Variants in SUGCT observed in about 807,000 individuals in gnomAD.
SUGCT encodes succinyl-CoA:glutarate CoA-transferase.
SUGCT carries 41 observed loss-of-function variants against 55.0 expected under a neutral mutation model. The observed-to-expected ratio is 0.74, with a 90% CI of 0.58 to 0.97. The LOEUF (loss-of-function observed/expected upper bound fraction) is 0.97. Ranked by LOEUF, SUGCT falls within the 50% of genes least tolerant of loss-of-function variation. SUGCT has a pLI of 0.00. For missense variants in SUGCT, 568 were observed against 547.8 expected, an observed-to-expected ratio of 1.04 and a Z score of -0.37; for synonymous variants, 187 against 200.4, an observed-to-expected ratio of 0.93 and a Z score of 0.56.
chr7:40,868,777 G>C, the SUGCT span, among the ~76,000 whole-genome samples: 2 of 152,020 alleles, frequency 1.3e-5, no homozygotes, highest in Non-Finnish European at 2.9e-5. Context: ...AAAATTCCTG[G>C]CCTCAAGTGA....
the SUGCT span, among the ~76,000 whole-genome samples, chr7:40,949,714 C>A: frequency 3.9e-5 from 6 of 152,170 alleles, no homozygotes; most frequent in African/African-American, 1.4e-4. Flanking sequence ...AATAGGGAAT[C>A]CTTTCCCCAT....
chr7:40,675,993 C>T (rs1022091633), intron 12 of SUGCT, among the ~76,000 whole-genome samples: 1 of 152,110 alleles, frequency 6.6e-6, no homozygotes, highest in African/African-American at 2.4e-5. Flanking sequence ...CTAGTCACAT[C>T]TGGAAAGCAG....
intron 13 of SUGCT, among the ~76,000 whole-genome samples, chr7:40,771,300 A>G (rs1315693825): frequency 1.3e-5 from 2 of 152,194 alleles, no homozygotes; most frequent in Admixed American, 6.5e-5. Context: ...TTGTGTGTGG[A>G]TCACAATCTG....
At chr7:40,561,513 C>T (rs1358301913) in intron 12 of SUGCT, among the ~76,000 whole-genome samples, 2 of 151,858 alleles carry the variant, frequency 1.3e-5, no homozygotes, top group African/African-American at 4.8e-5. Flanking sequence ...CTATTATGTG[C>T]CAGGCATTGT....
intron 12 of SUGCT, among the ~76,000 whole-genome samples, chr7:40,504,979 T>C (rs1792507244): frequency 6.6e-6 from 1 of 152,230 alleles, no homozygotes; most frequent in Admixed American, 6.5e-5. Flanking sequence ...CTCTTTTATA[T>C]TCATTGAGTC....
the SUGCT span, among the ~76,000 whole-genome samples, chr7:40,962,291 T>A: frequency 1.3e-5 from 2 of 151,966 alleles, no homozygotes; most frequent in African/African-American, 4.8e-5. Context: ...ACAGAAAAGT[T>A]CTCCAAGTTC....
At chr7:40,563,064 G>GT (rs1795927829) in intron 12 of SUGCT, among the ~76,000 whole-genome samples, 1 of 152,124 alleles carries the variant, frequency 6.6e-6, no homozygotes, top group South Asian at 2.1e-4. Context: ...CTCCGCCCAA[G>GT]TAACGGTGGA....
rs1420060793 is a variant in SUGCT at position 40,473,664 on chromosome 7, A to T, written c.986+14466A>T. Reference sequence around the variant, plus strand: ...GAAAAAAAAAATGGTGGCATGATTTAACCAGGGACAAGTAATTGTTTTCTA... The same window carrying T: ...GAAAAAAAAAATGGTGGCATGATTTTACCAGGGACAAGTAATTGTTTTCTA... On this transcript the variant is annotated intron_variant, in intron 11 of 13. Coordinates refer to ENST00000335693, the MANE Select transcript of SUGCT (RefSeq NM_001193313.2). Among the ~76,000 whole-genome samples, 13 of 152,204 alleles carry T rather than the reference A, an allele frequency of 8.5e-5. 2 individuals carry two copies. The highest frequency in any genetic ancestry group is 1.8e-4 in the Non-Finnish European group (12 of 68,034).
intron 1 of SUGCT, among the ~76,000 whole-genome samples, chr7:40,162,657 T>C (rs1784235145): frequency 6.6e-6 from 1 of 152,158 alleles, no homozygotes; most frequent in African/African-American, 2.4e-5. Flanking sequence ...TTTTACTTTT[T>C]ATTTTTATTT....
In SUGCT at chr7:40,647,743, C is replaced by A. The variant is rs148564297; in HGVS notation, c.1090-101691C>A. Reference sequence around the variant, plus strand: ...GTGGGCACCTGTAATCCCAGCTACTCGGTAGGCTGAGGCAGGAGAATCGCT... The same window carrying A: ...GTGGGCACCTGTAATCCCAGCTACTAGGTAGGCTGAGGCAGGAGAATCGCT... On this transcript the variant is annotated intron_variant, in intron 12 of 13. Coordinates refer to ENST00000335693, the MANE Select transcript of SUGCT (RefSeq NM_001193313.2). Among the ~76,000 whole-genome samples, 429 of 151,444 alleles carry A rather than the reference C, an allele frequency of 2.8e-3. 3 individuals are homozygous for A. Among genetic ancestry groups the A allele is most frequent in the African/African-American group, 9.9e-3 (407 of 41,212 alleles).
chr7:40,543,174 A>T (rs1176684838), intron 12 of SUGCT, among the ~76,000 whole-genome samples: 1 of 152,120 alleles, frequency 6.6e-6, no homozygotes, highest in Non-Finnish European at 1.5e-5. Flanking sequence ...CTCCCTTGCT[A>T]TTTACACTTC....
rs530880881 is a variant in SUGCT at position 40,536,179 on chromosome 7, C to A, written c.1089+39793C>A. 6.6e-5 allele frequency among the ~76,000 whole-genome samples: 10 copies of A among 152,200 alleles called. No individual in the cohort carries two copies. The East Asian group carries it at 7.7e-4, about 12-fold the overall frequency. On this transcript the variant is annotated intron_variant, in intron 12 of 13. Transcript: ENST00000335693. ...GCAGAAGCTTTTTAGTTTAATTAGACCCCACACATCAATTTCTGGTTTTGT... is the reference window on the plus strand; with the variant it reads ...GCAGAAGCTTTTTAGTTTAATTAGAACCCACACATCAATTTCTGGTTTTGT...
intron 7 of SUGCT, among the ~76,000 whole-genome samples, chr7:40,247,088 C>T (rs567066542): frequency 6.6e-6 from 1 of 152,206 alleles, no homozygotes; most frequent in South Asian, 2.1e-4. Flanking sequence ...TTTTGTTTGA[C>T]ATGCGTATTG....
intron 8 of SUGCT, among the ~76,000 whole-genome samples, chr7:40,298,789 A>G (rs1005919096): frequency 6.6e-6 from 1 of 152,064 alleles, no homozygotes; most frequent in Non-Finnish European, 1.5e-5. Context: ...TATCTGTATA[A>G]GGTTTTTAGA....
At chr7:40,587,780 A>G (rs1213488618) in intron 12 of SUGCT, among the ~76,000 whole-genome samples, 1 of 152,114 alleles carries the variant, frequency 6.6e-6, no homozygotes, top group African/African-American at 2.4e-5. Flanking sequence ...ACATAATGGA[A>G]TTTTCATTTT....
At chr7:40,169,607 G>A (rs1004566122) in intron 1 of SUGCT, among the ~76,000 whole-genome samples, 2 of 152,076 alleles carry the variant, frequency 1.3e-5, no homozygotes, top group African/African-American at 4.8e-5. Flanking sequence ...ATTTCTATTC[G>A]GACAATCTTT....
intron 9 of SUGCT, among the ~76,000 whole-genome samples, chr7:40,394,697 C>G (rs939105245): frequency 1.3e-5 from 2 of 152,218 alleles, no homozygotes; most frequent in African/African-American, 4.8e-5. Context: ...GCTTCCTCCA[C>G]CAGTCCCTGG....
intron 8 of SUGCT, among the ~76,000 whole-genome samples, chr7:40,296,498 T>C (rs541851838): frequency 1.3e-5 from 2 of 152,302 alleles, no homozygotes; most frequent in East Asian, 1.9e-4. Context: ...TTACATTTTA[T>C]ATTGTAGTTA....
chr7:40,210,681 C>T (rs969337298), intron 6 of SUGCT, among the ~76,000 whole-genome samples: 44 of 152,168 alleles, frequency 2.9e-4, no homozygotes, highest in African/African-American at 9.2e-4. Flanking sequence ...TTATTCCTGA[C>T]GCATGTGGCC....
Sources: gnomAD v4.1 joint callset for allele counts (sites outside exome capture counted in the v4.1 genomes callset) on GRCh38, gnomAD v4.1.1 for gene constraint, MANE v1.5 for transcripts, NCBI Gene and HGNC (gene_info 2026-07-23, HGNC 2026-07-21) for gene names.